The following SMG6 variants were observed in gnomAD, a reference collection of about 807,000 sequenced individuals.
SMG6 encodes SMG6 nonsense mediated mRNA decay factor.
SMG6 carries 66 observed loss-of-function variants against 142.2 expected under a neutral mutation model. The observed-to-expected ratio is 0.46, with a 90% CI of 0.38 to 0.57. The LOEUF is 0.57. Among genes scored for constraint, SMG6 ranks in the 20% least tolerant of loss-of-function variants. SMG6 has a pLI of 0.00. For missense variants in SMG6, 1,793 were observed against 1,832.0 expected, an observed-to-expected ratio of 0.98 and a Z score of 0.39; for synonymous variants, 779 against 702.4, an observed-to-expected ratio of 1.11 and a Z score of -1.72.
At chr17:2,164,816 A>G (rs2071284270) in intron 13 of SMG6, among the ~76,000 whole-genome samples, 1 of 152,158 alleles carries the variant, frequency 6.6e-6, no homozygotes, top group Non-Finnish European at 1.5e-5. Context: ...GCGTGCCTGT[A>G]GTCCCAGCTA....
Position 2,071,131 on chromosome 17 carries a change from G to A in SMG6, c.3682-2200C>T, listed in dbSNP as rs1408296140. Among the ~76,000 whole-genome samples, 4 of 152,188 alleles carry A rather than the reference G, an allele frequency of 2.6e-5. No homozygotes were observed. Among genetic ancestry groups the A allele is most frequent in the Non-Finnish European group, 4.4e-5 (3 of 68,040 alleles). On this transcript the variant is annotated intron_variant, in intron 15 of 18. Coordinates refer to ENST00000263073, the MANE Select transcript of SMG6 (RefSeq NM_017575.5). The surrounding 1 kb of genome is among the most constrained non-coding windows in gnomAD (Gnocchi z 5.6). ...GGAGCAGTGGCAGCTGGAGTGACAG[G>A]GGCTGGGGGTCCGGCTCTGCACTGC...
At chr17:2,200,669 G>C (rs1200984013) in intron 10 of SMG6, among the ~76,000 whole-genome samples, 1 of 152,048 alleles carries the variant, frequency 6.6e-6, no homozygotes, top group Non-Finnish European at 1.5e-5. Context: ...CCTAGCCCTA[G>C]ATATATACAA....
At chr17:2,150,074 T>A (rs537240711) in intron 13 of SMG6, among the ~76,000 whole-genome samples, 1 of 152,296 alleles carries the variant, frequency 6.6e-6, no homozygotes, top group Non-Finnish European at 1.5e-5. Context: ...CCATGGCTTG[T>A]TAGGAACTGG....
chr17:2,302,867 T>C lies in SMG6; in HGVS notation c.88+766A>G, dbSNP rs115139815. 284 of 688,794 alleles carry C rather than the reference T, an allele frequency of 4.1e-4. No homozygotes were observed. The African/African-American group carries it at 5.2e-3, about 13-fold the overall frequency. 42.7% of individuals were successfully genotyped at this position (688,794 alleles called of 1,614,324 possible). The stretch of plus-strand genomic sequence containing the variant: ...TACTTTCTAGAGCAGCGGGAGAAAA[T>C]AGCCTTAATAATCCAATTATGTTAA... On this transcript the variant is annotated intron_variant, in intron 1 of 18. Coordinates refer to ENST00000263073, the MANE Select transcript of SMG6 (RefSeq NM_017575.5).
chr17:2,254,970 C>G (rs2074131560), intron 8 of SMG6, among the ~76,000 whole-genome samples: 1 of 152,006 alleles, frequency 6.6e-6, no homozygotes, highest in South Asian at 2.1e-4. Context: ...GGAGTCACGT[C>G]CTGGTGTGTC....
At chr17:2,211,603 G>A (rs1188417769) in intron 10 of SMG6, among the ~76,000 whole-genome samples, 1 of 150,064 alleles carries the variant, frequency 6.7e-6, no homozygotes, top group African/African-American at 2.5e-5. Context: ...TGTGGAGCTT[G>A]CAGTGAGCCG....
chr17:2,067,672 A>C (rs887540260), intron 16 of SMG6, among the ~76,000 whole-genome samples: 2 of 152,006 alleles, frequency 1.3e-5, no homozygotes, highest in Admixed American at 6.6e-5. Flanking sequence ...TGGGGAGGGG[A>C]AGGAAGACGG....
At chr17:2,200,915 C>T (rs188081034) in intron 10 of SMG6, among the ~76,000 whole-genome samples, 1 of 152,270 alleles carries the variant, frequency 6.6e-6, no homozygotes, top group Non-Finnish European at 1.5e-5. Context: ...AGGTGTGAAC[C>T]ACCACACCCG....
At chr17:2,126,508 T>C (rs1179074163) in intron 13 of SMG6, among the ~76,000 whole-genome samples, 2 of 151,906 alleles carry the variant, frequency 1.3e-5, no homozygotes. Flanking sequence ...GGCAGATCAC[T>C]TGAGGTCAGG....
chr17:2,096,868 G>C (rs145339980), intron 13 of SMG6, among the ~76,000 whole-genome samples: 151 of 152,274 alleles, frequency 9.9e-4, no homozygotes, highest in African/African-American at 3.2e-3. Context: ...AAGTACACAG[G>C]TATCCCTCCA....
chr17:2,238,441 G>C (rs1167120772), intron 9 of SMG6, among the ~76,000 whole-genome samples: 1 of 152,130 alleles, frequency 6.6e-6, no homozygotes, highest in Non-Finnish European at 1.5e-5. Context: ...TTTGGGGCTG[G>C]ACTAGATCCG....
intron 15 of SMG6, 55 bp downstream of exon 15, chr17:2,081,755 A>G: frequency 6.2e-7 from 1 of 1,600,644 alleles, no homozygotes; most frequent in Non-Finnish European, 8.5e-7. Flanking sequence ...ACATCCTCTC[A>G]TGCCCTAGAC....
rs915927704 is a variant in SMG6, at chr17:2,086,667, A to G, written c.3358-766T>C. ...AACTCAGTATCTTGAGCAACAGTCA[A>G]ATGTGTAAGTGTCTCAGATTAAGTG... On this transcript the variant is annotated intron_variant, in intron 13 of 18. Coordinates refer to ENST00000263073, the MANE Select transcript of SMG6 (RefSeq NM_017575.5). Among the ~76,000 whole-genome samples the G allele has an allele frequency of 3.3e-5, 5 of 152,150 alleles. No homozygotes were observed. In the East Asian group the frequency reaches 9.6e-4, roughly 29 times the overall value.
At chr17:2,271,078 T>A (rs1161889175) in intron 8 of SMG6, among the ~76,000 whole-genome samples, 4 of 151,474 alleles carry the variant, frequency 2.6e-5, no homozygotes, top group African/African-American at 9.7e-5. Flanking sequence ...GCAGGAGGAT[T>A]GCTTGAGTCC....
intron 15 of SMG6, among the ~76,000 whole-genome samples, chr17:2,076,695 C>T (rs1265182305): frequency 2.6e-5 from 4 of 152,082 alleles, no homozygotes; most frequent in African/African-American, 9.7e-5. Flanking sequence ...GGCATTAAAG[C>T]GGGGTGGGGA....
intron 13 of SMG6, among the ~76,000 whole-genome samples, chr17:2,137,212 A>C (rs1036493862): frequency 1.3e-5 from 2 of 152,154 alleles, no homozygotes; most frequent in African/African-American, 4.8e-5. Flanking sequence ...GCAGGTTACT[A>C]ACCACGGAAC....
At chr17:2,137,874 T>C (rs1168531621) in intron 13 of SMG6, among the ~76,000 whole-genome samples, 1 of 152,214 alleles carries the variant, frequency 6.6e-6, no homozygotes, top group African/African-American at 2.4e-5. Context: ...TCCTTGTCTT[T>C]ACAGCAGGAG....
chr17:2,299,422 C>T lies in SMG6; in HGVS notation c.1331G>A (p.Arg444Gln), dbSNP rs1204833033. 6 of 1,613,820 alleles carry T rather than the reference C, an allele frequency of 3.7e-6. No homozygotes were observed. The highest frequency in any genetic ancestry group is 1.6e-4 in the Middle Eastern group (1 of 6,084). ...TGTGGTGCCTCCACGGCCCCAACTC[C>T]GAGATCCCTTACTACCAGATCCAAA... ...LLFGSGSKGSRSWGRGGTTRR... is the reference protein window; with the variant it reads ...LLFGSGSKGSQSWGRGGTTRR... Residue 444 changes from arginine (R) to glutamine (Q), a missense_variant, in exon 2 of 19, where the codon CGG (arginine) becomes CAG (glutamine). Arg to Gln is a conservative substitution (Grantham distance 43). This residue lies in a region of SMG6 where 1,597 missense variants were observed against 1,584.6 expected (regional missense o/e 1.01). Coordinates refer to ENST00000263073, the MANE Select transcript of SMG6 (RefSeq NM_017575.5). The surrounding 1 kb of genome is among the most constrained non-coding windows in gnomAD (Gnocchi z 4.3).
At chr17:2,249,042 A>T (rs527784956) in intron 8 of SMG6, among the ~76,000 whole-genome samples, 76 of 150,148 alleles carry the variant, frequency 5.1e-4, no homozygotes, top group Non-Finnish European at 8.4e-4. Flanking sequence ...GCCCGCCACC[A>T]CGCCCCGTTA....
Sources: allele counts gnomAD v4.1 joint callset (sites outside exome capture counted in the v4.1 genomes callset), GRCh38; gene constraint gnomAD v4.1.1; regional missense constraint gnomAD v4.1.1; non-coding constraint Gnocchi (gnomAD v3.1); transcripts MANE v1.5; gene names NCBI Gene and HGNC (gene_info 2026-07-23, HGNC 2026-07-21).